PSD3: variants seen among roughly 807,000 people sequenced by gnomAD.
PSD3 encodes the protein pleckstrin and Sec7 domain containing 3, also known as PH and SEC7 domain-containing protein 3.
Under a neutral mutation model 105.5 loss-of-function variants are expected in PSD3, and 49 were observed. The ratio of observed to expected loss-of-function variants is 0.46; its 90% CI spans 0.37 to 0.59. PSD3 has a LOEUF of 0.59. PSD3 is among the 20% of genes least tolerant of loss of function. PSD3 has a pLI of 0.00. For missense variants in PSD3, 1,561 were observed against 1,263.8 expected, an observed-to-expected ratio of 1.24 and a Z score of -3.57; for synonymous variants, 557 against 457.8, an observed-to-expected ratio of 1.22 and a Z score of -2.77.
chr8:18,715,686 T>C (rs1173877100), intron 9 of PSD3, among the ~76,000 whole-genome samples: 1 of 152,184 alleles, frequency 6.6e-6, no homozygotes, highest in African/African-American at 2.4e-5. Flanking sequence ...ATGGCAGGCA[T>C]AGCAACAGGG....
intron 4 of PSD3, among the ~76,000 whole-genome samples, chr8:18,823,558 T>C (rs917796993): frequency 2.0e-5 from 3 of 152,160 alleles, no homozygotes; most frequent in Non-Finnish European, 4.4e-5. Flanking sequence ...CAACTTATCA[T>C]TGAATTCTGC....
intron 1 of PSD3, among the ~76,000 whole-genome samples, chr8:19,026,701 C>CAAAAAAAAAAAAAAAAAAAAAAAA: frequency 1.2e-5 from 1 of 82,246 alleles, no homozygotes; most frequent in Non-Finnish European, 2.3e-5. Flanking sequence ...CACATCTCTA[C>CAAAAAAAAAAAAAAAAAAAAAAAA]AAAAAAAAAA....
chr8:18,655,479 T>G (rs1250834964), intron 10 of PSD3, among the ~76,000 whole-genome samples, 163 bp downstream of exon 10: 2 of 152,212 alleles, frequency 1.3e-5, no homozygotes, highest in Non-Finnish European at 2.9e-5. Context: ...TACTTGTATC[T>G]GGGTTTACTT....
intron 1 of PSD3, among the ~76,000 whole-genome samples, chr8:19,059,269 G>A (rs1828811777): frequency 6.6e-6 from 1 of 152,194 alleles, no homozygotes; most frequent in East Asian, 1.9e-4. Flanking sequence ...AGCAGAGGAG[G>A]GACCACACCC....
At chr8:18,648,558 G>A (rs957619492) in intron 10 of PSD3, among the ~76,000 whole-genome samples, 1 of 152,196 alleles carries the variant, frequency 6.6e-6, no homozygotes, top group Non-Finnish European at 1.5e-5. Context: ...CATAAAACTG[G>A]AACTTATATC....
intron 11 of PSD3, among the ~76,000 whole-genome samples, chr8:18,627,460 G>A (rs1314617426): frequency 6.6e-6 from 1 of 151,978 alleles, no homozygotes; most frequent in Non-Finnish European, 1.5e-5. Context: ...GTAGTGGGAT[G>A]GACAATTTCA....
chr8:19,017,605 T>C (rs1214251062), upstream of PSD3, among the ~76,000 whole-genome samples: 1 of 152,228 alleles, frequency 6.6e-6, no homozygotes, highest in East Asian at 1.9e-4. Context: ...CTAATTTACT[T>C]TCTGTTTCTA....
chr8:18,738,841 C>A (rs1327872481), intron 9 of PSD3, among the ~76,000 whole-genome samples: 14 of 150,524 alleles, frequency 9.3e-5, no homozygotes, highest in Non-Finnish European at 1.9e-4. Context: ...AAAACAAAAA[C>A]AAAAAAAACA....
intron 4 of PSD3, among the ~76,000 whole-genome samples, chr8:18,865,604 G>T (rs1024217580): frequency 6.6e-6 from 1 of 152,020 alleles, no homozygotes; most frequent in Admixed American, 6.6e-5. Context: ...TGCCAAGCTT[G>T]TCTGTCCAAG....
chr8:18,854,257 G>A (rs1218660561), intron 4 of PSD3: 1 of 152,862 alleles, frequency 6.5e-6, no homozygotes, highest in Non-Finnish European at 1.5e-5. Flanking sequence ...TGACTCCGCA[G>A]TGACATTCTC....
chr8:18,559,480 T>A (rs2130180859), intron 14 of PSD3, among the ~76,000 whole-genome samples: 1 of 152,288 alleles, frequency 6.6e-6, no homozygotes, highest in East Asian at 1.9e-4. Flanking sequence ...ATCAGTATAG[T>A]TATTTATAAT....
intron 9 of PSD3, among the ~76,000 whole-genome samples, chr8:18,759,219 A>G (rs1412090486): frequency 6.6e-6 from 1 of 152,100 alleles, no homozygotes; most frequent in Non-Finnish European, 1.5e-5. Context: ...AAACTTAAAA[A>G]TTTAAAGAAT....
intron 1 of PSD3, among the ~76,000 whole-genome samples, chr8:19,051,060 A>G (rs539671072): frequency 6.6e-6 from 1 of 152,230 alleles, no homozygotes; most frequent in African/African-American, 2.4e-5. Flanking sequence ...ACATCCTCAG[A>G]GTCTATCCAA....
At chr8:19,057,557 T>C (rs770508817) in intron 1 of PSD3, among the ~76,000 whole-genome samples, 2 of 152,142 alleles carry the variant, frequency 1.3e-5, no homozygotes, top group Admixed American at 6.5e-5. Flanking sequence ...TGGTTGTAAA[T>C]AGTTACCATC....
At chr8:18,647,649 C>G (rs1297805989) in intron 10 of PSD3, among the ~76,000 whole-genome samples, 1 of 133,042 alleles carries the variant, frequency 7.5e-6, no homozygotes. Context: ...TGAGCCAATA[C>G]ATGATTTTTT....
intron 2 of PSD3, among the ~76,000 whole-genome samples, chr8:18,922,588 C>A (rs754626097): frequency 5.9e-5 from 9 of 152,266 alleles, no homozygotes; most frequent in Non-Finnish European, 1.2e-4. Flanking sequence ...TTCAATTCAA[C>A]TGCAATACTA....
At chr8:18,942,653 T>A (rs13279936) in intron 1 of PSD3, among the ~76,000 whole-genome samples, 72,066 of 152,020 alleles carry the variant, frequency 0.47, 18,032 homozygotes, top group Non-Finnish European at 0.56. Context: ...AGGCACACAC[T>A]GAGAAAAGAC....
At chr8:18,624,195 G>A (rs1806320626) in intron 11 of PSD3, among the ~76,000 whole-genome samples, 1 of 152,030 alleles carries the variant, frequency 6.6e-6, no homozygotes, top group Admixed American at 6.6e-5. Flanking sequence ...ACTGCTTTCT[G>A]AAGTACAAAT....
At chr8:18,809,284 G>A (rs1252127944) in intron 4 of PSD3, among the ~76,000 whole-genome samples, 1 of 152,086 alleles carries the variant, frequency 6.6e-6, no homozygotes, top group Non-Finnish European at 1.5e-5. Context: ...TCACTTAAAT[G>A]TGTAAGAGAC....
Sources: allele counts gnomAD v4.1 joint callset (sites outside exome capture counted in the v4.1 genomes callset), GRCh38; gene constraint gnomAD v4.1.1; transcripts MANE v1.5; gene names NCBI Gene and HGNC (gene_info 2026-07-23, HGNC 2026-07-21).